FGD3: variants seen among roughly 807,000 people sequenced by gnomAD.
The protein encoded by FGD3 is FYVE, RhoGEF and PH domain-containing protein 3.
FGD3 carries 45 observed loss-of-function variants against 71.8 expected under a neutral mutation model. The ratio of observed to expected loss-of-function variants is 0.63; its 90% CI spans 0.49 to 0.80. FGD3 has a LOEUF of 0.80. Among genes scored for constraint, FGD3 ranks in the 30% least tolerant of loss-of-function variants. FGD3 has a pLI of 0.00. For synonymous variants in FGD3, 378 were observed against 392.8 expected (o/e 0.96, Z 0.44); for missense variants, 844 against 951.5 (o/e 0.89, Z 1.49).
intron 3 of FGD3, among the ~76,000 whole-genome samples, chr9:92,997,245 C>G (rs962896269): frequency 6.6e-6 from 1 of 152,140 alleles, no homozygotes; most frequent in African/African-American, 2.4e-5. Context: ...TTCTTTGTCT[C>G]TTTTGATCTT....
chr9:93,011,401 T>A (rs1469132122), intron 8 of FGD3, 129 bp downstream of exon 8: 2 of 1,076,662 alleles, frequency 1.9e-6, no homozygotes, highest in Non-Finnish European at 2.8e-6. Context: ...TATACCTCCT[T>A]CCACCCCCAT....
intron 3 of FGD3, among the ~76,000 whole-genome samples, chr9:92,990,873 T>A (rs1860379940): frequency 6.6e-6 from 1 of 152,164 alleles, no homozygotes; most frequent in East Asian, 1.9e-4. Flanking sequence ...TATTGGCCTG[T>A]AGTTTTCTTT....
At position 93,006,091 on chromosome 9, in the gene FGD3, T is replaced by G. The variant is rs765999140; in HGVS notation, c.748T>G (p.Tyr250Asp). 1 of 1,613,062 alleles carries G rather than the reference T, an allele frequency of 6.2e-7. No individual in the cohort carries two copies. Among genetic ancestry groups the G allele is most frequent in the Admixed American group, 1.7e-5 (1 of 59,834 alleles). ...CCCATTCCTGAAGATGTACGGCGAG[T>G]ATGTCAAGAACTTTGACCGAGCCGT... Reference protein sequence around the residue: ...LAPFLKMYGEYVKNFDRAVGL... With the variant: ...LAPFLKMYGEDVKNFDRAVGL... The change falls in exon 6 of 18, where the codon TAT (tyrosine) becomes GAT (aspartate). Residue 250 changes from tyrosine (Y) to aspartate (D), a missense_variant. Tyr to Asp is a radical substitution (Grantham distance 160). Transcript: ENST00000375482.
chr9:92,956,667 C>G (rs1157334196), intron 1 of FGD3, among the ~76,000 whole-genome samples: 1 of 152,124 alleles, frequency 6.6e-6, no homozygotes, highest in Non-Finnish European at 1.5e-5. Context: ...TTTCAGCCAC[C>G]TAGCCAGTGG....
At chr9:92,973,106 ATTTTTTTTTTT>A (rs59046376) in intron 1 of FGD3, among the ~76,000 whole-genome samples, 1 of 87,124 alleles carries the variant, frequency 1.1e-5, no homozygotes, top group Non-Finnish European at 2.1e-5. Context: ...ATGCCTGGTA[ATTTTTTTTTTT>A]TTTTTTTTTT....
At chr9:92,958,047 G>A (rs1464820786) in intron 1 of FGD3, among the ~76,000 whole-genome samples, 2 of 150,454 alleles carry the variant, frequency 1.3e-5, no homozygotes, top group African/African-American at 2.5e-5. Context: ...CACCCAGGCT[G>A]GAGTGCAGTG....
chr9:93,035,226 G>A, intron 17 of FGD3, 112 bp from the exon 18 acceptor site: 1 of 1,437,126 alleles, frequency 7.0e-7, no homozygotes. Context: ...CTCAGCACCT[G>A]CCTTGCGTTG....
Position 93,034,779 on chromosome 9 carries a change from T to A in FGD3, c.1926+98T>A, listed in dbSNP as rs376978769. The A allele has an allele frequency of 2.2e-6, 3 of 1,362,900 alleles. No homozygotes were observed. The African/African-American group carries it at 4.4e-5, about 20-fold the overall frequency. The allele number at this position is 1,362,900 out of a possible 1,614,324, so 84.4% of individuals were successfully genotyped here. ...CCTGTGCCACCAGCTGGGGTCCACC[T>A]GCTTGAGCAGTGTTACCTGGGGCCT... On this transcript the variant is annotated intron_variant, in intron 17 of 17. Coordinates refer to ENST00000375482, the MANE Select transcript of FGD3 (RefSeq NM_001083536.2).
intron 1 of FGD3, among the ~76,000 whole-genome samples, chr9:92,951,972 G>C (rs188228319): frequency 1.3e-5 from 2 of 152,168 alleles, no homozygotes; most frequent in East Asian, 3.9e-4. Flanking sequence ...GTGGCAAAAG[G>C]GGCATCTGGT....
chr9:92,961,603 T>C (rs915211910), intron 1 of FGD3, among the ~76,000 whole-genome samples: 6 of 152,178 alleles, frequency 3.9e-5, no homozygotes, highest in African/African-American at 7.2e-5. Flanking sequence ...TTTAAAACAA[T>C]AGGAAACACT....
chr9:92,991,411 C>T (rs761509063), intron 3 of FGD3, among the ~76,000 whole-genome samples: 6 of 152,114 alleles, frequency 3.9e-5, no homozygotes, highest in Non-Finnish European at 8.8e-5. Flanking sequence ...TTCCTTCATC[C>T]ATTCATCATT....
chr9:92,970,003 A>G (rs1859475892), intron 1 of FGD3, among the ~76,000 whole-genome samples: 1 of 152,228 alleles, frequency 6.6e-6, no homozygotes, highest in Admixed American at 6.5e-5. Context: ...CATCTGGGTC[A>G]GCAGCTCCAG....
Position 93,020,385 on chromosome 9 carries a change from C to T in FGD3, c.1455C>T (p.Phe485=), listed in dbSNP as rs11790517. Reference sequence around the variant, plus strand: ...CCTTCAAGGCTTTTGGTGGCGCCTTCAGCCAGGATGAGGACCCCAGCCTCT... The same window carrying T: ...CCTTCAAGGCTTTTGGTGGCGCCTTTAGCCAGGATGAGGACCCCAGCCTCT... ...SETFKAFGGA[F]SQDEDPSLSP... is the part of the protein sequence containing the mutation. The change falls in exon 13 of 18, where the codon TTC becomes TTT. Residue 485 remains phenylalanine, a synonymous_variant. Transcript: ENST00000375482. The T allele has an allele frequency of 0.27, 436,102 of 1,612,776 alleles. 61,598 individuals carry two copies. The highest frequency in any genetic ancestry group is 0.39 in the Admixed American group (23,536 of 59,826).
chr9:92,981,298 G>A (rs1266867522), intron 3 of FGD3, among the ~76,000 whole-genome samples: 1 of 150,918 alleles, frequency 6.6e-6, no homozygotes, highest in Non-Finnish European at 1.5e-5. Flanking sequence ...AACCTGGGAG[G>A]CGGAGCTTGC....
chr9:92,994,255 G>C (rs1860540440), intron 3 of FGD3, among the ~76,000 whole-genome samples: 1 of 152,090 alleles, frequency 6.6e-6, no homozygotes, highest in African/African-American at 2.4e-5. Context: ...TTGGCTGCAT[G>C]AATGTCTTCT....
rs1395132659 is a variant in FGD3, at chr9:93,029,024, T to G, written c.1558-850T>G. ...TTTTTTTTTTTTTTTTTTTTTTTTT[T>G]TTTTTTTTTTTTTGAGACAGAATCT... On this transcript the variant is annotated intron_variant, in intron 14 of 17. Transcript: ENST00000375482. Among the ~76,000 whole-genome samples, 164 of 121,300 alleles carry G rather than the reference T, an allele frequency of 1.4e-3. 4 individuals carry two copies. Among genetic ancestry groups the G allele is most frequent in the African/African-American group, 4.9e-3 (159 of 32,594 alleles). The allele number at this position is 121,300 out of a possible 152,430, so 79.6% of individuals were successfully genotyped here.
Position 93,014,013 on chromosome 9 carries a change from T to A in FGD3, c.1182+15T>A, listed in dbSNP as rs746667156. ...ACCTCTTCCTGGTGAGCCTGGCCCC[T>A]GCCAGCCCAGCCGCAGAGCCTCCCT... On this transcript the variant is annotated intron_variant, in intron 9 of 17. Transcript: ENST00000375482. 38 of 1,593,714 alleles carry A rather than the reference T, an allele frequency of 2.4e-5. No homozygotes were observed. The highest frequency in any genetic ancestry group is 3.0e-5 in the Non-Finnish European group (35 of 1,171,164).
At chr9:92,970,935 T>C (rs1859506635) in intron 1 of FGD3, among the ~76,000 whole-genome samples, 1 of 152,232 alleles carries the variant, frequency 6.6e-6, no homozygotes, top group Non-Finnish European at 1.5e-5. Context: ...CTCATCCCTC[T>C]CCTGCCCCTC....
intron 3 of FGD3, among the ~76,000 whole-genome samples, chr9:92,989,791 AT>A (rs575500128): frequency 9.2e-4 from 140 of 152,310 alleles, no homozygotes; most frequent in African/African-American, 3.3e-3. Flanking sequence ...CCTTTCATCT[AT>A]AGCTGTCTGC....
Sources: gnomAD v4.1 joint callset for allele counts (sites outside exome capture counted in the v4.1 genomes callset) on GRCh38, gnomAD v4.1.1 for gene constraint, MANE v1.5 for transcripts, NCBI Gene and HGNC (gene_info 2026-07-23, HGNC 2026-07-21) for gene names.